Variants in NELL1 observed in about 807,000 individuals in gnomAD.
NELL1 encodes protein kinase C-binding protein NELL1.
A neutral mutation model predicts 107.4 loss-of-function variants in NELL1; 76 were observed. The ratio of observed to expected loss-of-function variants is 0.71; its 90% CI spans 0.59 to 0.86. NELL1 has a LOEUF of 0.86. NELL1 is among the 40% of genes least tolerant of loss of function. The pLI, the probability that NELL1 is intolerant of heterozygous loss-of-function variation, is 0.00. For missense variants in NELL1, 1,024 were observed against 1,005.5 expected (o/e 1.02, Z -0.25); for synonymous variants, 353 against 341.2 (o/e 1.03, Z -0.38).
intron 15 of NELL1, among the ~76,000 whole-genome samples, chr11:21,447,674 T>C (rs1853468040): frequency 6.6e-6 from 1 of 152,076 alleles, no homozygotes; most frequent in Non-Finnish European, 1.5e-5. Context: ...TTGCCTGTGG[T>C]TGGGGGAAGG....
chr11:20,703,642 G>T (rs1474924141), intron 2 of NELL1, among the ~76,000 whole-genome samples: 2 of 152,154 alleles, frequency 1.3e-5, no homozygotes, highest in African/African-American at 2.4e-5. Context: ...TAGGCATTTA[G>T]TGCTATAAAT....
intron 4 of NELL1, among the ~76,000 whole-genome samples, chr11:20,871,894 C>T (rs1179465767): frequency 2.0e-5 from 3 of 151,570 alleles, no homozygotes; most frequent in African/African-American, 7.3e-5. Context: ...TGGCAGGTGC[C>T]TGTAGTCCCA....
chr11:20,815,794 T>A lies in NELL1; in HGVS notation c.336-31789T>A, dbSNP rs138638193. Among the ~76,000 whole-genome samples, 1,513 of 152,096 alleles carry A rather than the reference T, an allele frequency of 9.9e-3. 14 individuals are homozygous for A. Among genetic ancestry groups the A allele is most frequent in the Middle Eastern group, 0.027 (8 of 294 alleles). The stretch of plus-strand genomic sequence containing the variant: ...GGAATTTTATAATTTGAGGTCCTAC[T>A]TTTAAGTCCTTAATCCATCTTAAGT... On this transcript the variant is annotated intron_variant, in intron 3 of 19. Coordinates refer to ENST00000357134, the MANE Select transcript of NELL1 (RefSeq NM_006157.5).
At chr11:21,163,964 T>G (rs977554277) in intron 13 of NELL1, among the ~76,000 whole-genome samples, 1 of 152,094 alleles carries the variant, frequency 6.6e-6, no homozygotes, top group Non-Finnish European at 1.5e-5. Flanking sequence ...TGCAATAAGA[T>G]TGGTGTGTTT....
chr11:21,437,962 A>C lies in NELL1; in HGVS notation c.1645+67014A>C, dbSNP rs139078969. On this transcript the variant is annotated intron_variant, in intron 15 of 19. Coordinates refer to ENST00000357134, the MANE Select transcript of NELL1 (RefSeq NM_006157.5). ...AGTTGGTTTCTGAAGTGTTTTGTGTATGTTTTGTTGCTTTATCTCTTAATG... is the reference window on the plus strand; with the variant it reads ...AGTTGGTTTCTGAAGTGTTTTGTGTCTGTTTTGTTGCTTTATCTCTTAATG... 2.3e-4 allele frequency among the ~76,000 whole-genome samples: 35 copies of C among 152,180 alleles called. 1 individual carries two copies. The East Asian group carries it at 6.2e-3, about 27-fold the overall frequency.
At chr11:21,259,645 C>T (rs1159466368) in intron 14 of NELL1, among the ~76,000 whole-genome samples, 1 of 151,812 alleles carries the variant, frequency 6.6e-6, no homozygotes, top group Non-Finnish European at 1.5e-5. Context: ...ACAAAAGTGA[C>T]ATGCTTACAC....
At position 21,190,080 on chromosome 11, in the gene NELL1, C is replaced by T. The variant is rs146839014; in HGVS notation, c.1427-39252C>T. ...TTTAAGAAAAGATGCAGGCAGGGTG[C>T]GGTGGCTCATGCCTGTAATCCCAGC... On this transcript the variant is annotated intron_variant, in intron 13 of 19. Transcript: ENST00000357134. Among the ~76,000 whole-genome samples, 646 of 151,794 alleles carry T rather than the reference C, an allele frequency of 4.3e-3. 4 individuals carry two copies. The highest frequency in any genetic ancestry group is 7.4e-3 in the Non-Finnish European group (501 of 67,986).
chr11:20,741,566 C>T (rs568575090), intron 2 of NELL1, among the ~76,000 whole-genome samples: 2 of 152,264 alleles, frequency 1.3e-5, no homozygotes, highest in African/African-American at 4.8e-5. Flanking sequence ...CCACCAAGAA[C>T]ATCATGGTGT....
At chr11:21,537,557 C>G (rs1856168946) in intron 16 of NELL1, among the ~76,000 whole-genome samples, 2 of 152,200 alleles carry the variant, frequency 1.3e-5, no homozygotes, top group East Asian at 3.9e-4. Flanking sequence ...ATAATCCTTC[C>G]CTACTCACTT....
Position 20,847,625 on chromosome 11 carries a change from G to A in NELL1, c.378G>A (p.Arg126=). Residue 126 remains arginine, a synonymous_variant, in exon 4 of 20, where the codon CGG becomes CGA. Coordinates refer to ENST00000357134, the MANE Select transcript of NELL1 (RefSeq NM_006157.5). ...LESSGLRDEI[R]YHYIHNGKPR... ...GCAGTGGCCTGAGGGATGAGATTCGGTATCACTACATACACAATGGGAAGC... is the reference window on the plus strand; with the variant it reads ...GCAGTGGCCTGAGGGATGAGATTCGATATCACTACATACACAATGGGAAGC... The A allele has an allele frequency of 6.2e-7, 1 of 1,613,786 alleles. No homozygotes were observed. The highest frequency in any genetic ancestry group is 8.5e-7 in the Non-Finnish European group (1 of 1,179,812).
chr11:20,863,053 C>T (rs1266408806), intron 4 of NELL1, among the ~76,000 whole-genome samples: 1 of 152,200 alleles, frequency 6.6e-6, no homozygotes, highest in Non-Finnish European at 1.5e-5. Context: ...CCACCTTTCC[C>T]CCTTTTCTAT....
At chr11:21,514,189 C>T (rs940886842) in intron 15 of NELL1, among the ~76,000 whole-genome samples, 2 of 152,112 alleles carry the variant, frequency 1.3e-5, no homozygotes, top group Non-Finnish European at 2.9e-5. Context: ...CAAAATAATA[C>T]ATTAAAGAAA....
At chr11:20,852,214 C>T (rs922382987) in intron 4 of NELL1, among the ~76,000 whole-genome samples, 6 of 152,096 alleles carry the variant, frequency 3.9e-5, no homozygotes, top group Middle Eastern at 3.2e-3. Context: ...ATCTGCAGCC[C>T]GATTGTCACC....
intron 15 of NELL1, among the ~76,000 whole-genome samples, chr11:21,406,986 A>G (rs1852252433): frequency 6.6e-6 from 1 of 152,004 alleles, no homozygotes; most frequent in Non-Finnish European, 1.5e-5. Flanking sequence ...TATCCTTCCT[A>G]GCCTCTGAAA....
chr11:21,483,623 G>T (rs117572835), intron 15 of NELL1, among the ~76,000 whole-genome samples: 6 of 151,932 alleles, frequency 3.9e-5, no homozygotes, highest in African/African-American at 1.4e-4. Flanking sequence ...TTTGGAGTCA[G>T]TGTAAAAGCT....
intron 10 of NELL1, among the ~76,000 whole-genome samples, chr11:20,943,743 G>C (rs1850906212): frequency 6.6e-6 from 1 of 152,178 alleles, no homozygotes; most frequent in Non-Finnish European, 1.5e-5. Context: ...GTGTGGTTTG[G>C]CCCCACAGTC....
At chr11:20,738,978 T>C (rs1310528120) in intron 2 of NELL1, among the ~76,000 whole-genome samples, 2 of 152,228 alleles carry the variant, frequency 1.3e-5, no homozygotes, top group East Asian at 1.9e-4. Flanking sequence ...TTTAGCACCT[T>C]AGAGCTGAGT....
chr11:20,773,093 C>A (rs902572730), intron 2 of NELL1, among the ~76,000 whole-genome samples: 1 of 152,164 alleles, frequency 6.6e-6, no homozygotes, highest in Admixed American at 6.5e-5. Flanking sequence ...TAGAACTGAC[C>A]ACTAACCATG....
chr11:21,120,619 C>T (rs774690942), intron 13 of NELL1, among the ~76,000 whole-genome samples: 12 of 152,178 alleles, frequency 7.9e-5, no homozygotes, highest in Admixed American at 2.6e-4. Context: ...AGAGGTGATA[C>T]ATTTATAAGA....
Sources: allele counts gnomAD v4.1 joint callset (sites outside exome capture counted in the v4.1 genomes callset), GRCh38; gene constraint gnomAD v4.1.1; transcripts MANE v1.5; gene names NCBI Gene and HGNC (gene_info 2026-07-23, HGNC 2026-07-21).